Variants in GRK3 observed in about 807,000 individuals in gnomAD.
The protein encoded by GRK3 is adrenergic, beta, receptor kinase 2.
In GRK3, 54 loss-of-function variants were observed where a neutral mutation model predicts 95.7. The observed-to-expected ratio is 0.56, with a 90% CI of 0.45 to 0.71. The LOEUF (loss-of-function observed/expected upper bound fraction) is 0.71. GRK3 is among the 30% of genes least tolerant of loss of function. The probability of loss-of-function intolerance (pLI) is 0.00; values close to 1 mark genes in which losing one functional copy is unlikely to be tolerated. For missense variants in GRK3, 649 were observed against 851.2 expected, an observed-to-expected ratio of 0.76 and a Z score of 2.96; for synonymous variants, 281 against 290.8, an observed-to-expected ratio of 0.97 and a Z score of 0.34.
chr22:25,710,620 C>T (rs2085336370), intron 16 of GRK3, among the ~76,000 whole-genome samples: 2 of 152,182 alleles, frequency 1.3e-5, no homozygotes, highest in Non-Finnish European at 2.9e-5. Context: ...ATCTGTCAGT[C>T]CTACTGAATT....
At chr22:25,640,844 C>G (rs2084737840) in intron 2 of GRK3, among the ~76,000 whole-genome samples, 1 of 152,188 alleles carries the variant, frequency 6.6e-6, no homozygotes, top group Admixed American at 6.5e-5. Context: ...ACACATTTCA[C>G]AAATATCTAC....
chr22:25,597,040 C>T (rs2084377281), intron 1 of GRK3, among the ~76,000 whole-genome samples: 1 of 152,206 alleles, frequency 6.6e-6, no homozygotes, highest in African/African-American at 2.4e-5. Context: ...ATGAATTACA[C>T]ATTACACACT....
chr22:25,591,747 T>C (rs2146328246), intron 1 of GRK3, among the ~76,000 whole-genome samples: 1 of 152,278 alleles, frequency 6.6e-6, no homozygotes. Context: ...AAACGTTGTG[T>C]ACTTTTTTGG....
At chr22:25,570,733 C>T (rs1410756479) in intron 1 of GRK3, among the ~76,000 whole-genome samples, 1 of 152,204 alleles carries the variant, frequency 6.6e-6, no homozygotes, top group East Asian at 1.9e-4. Context: ...CCCTCTGCTT[C>T]TCCTGTGTCT....
At chr22:25,594,338 C>T (rs1011336135) in intron 1 of GRK3, among the ~76,000 whole-genome samples, 4 of 152,054 alleles carry the variant, frequency 2.6e-5, no homozygotes, top group African/African-American at 7.2e-5. Context: ...GGGACTCCTC[C>T]CTAACTCATT....
intron 3 of GRK3, among the ~76,000 whole-genome samples, chr22:25,657,702 T>TTA: frequency 6.6e-6 from 1 of 151,984 alleles, no homozygotes; most frequent in East Asian, 1.9e-4. Context: ...ATCTGTAAAT[T>TTA]TATATATATA....
intron 19 of GRK3, among the ~76,000 whole-genome samples, chr22:25,720,363 A>T (rs1379800429): frequency 6.6e-6 from 1 of 151,628 alleles, no homozygotes. Flanking sequence ...TCAGAGTGCC[A>T]TTTCTCATTC....
Position 25,655,159 on chromosome 22 carries a change from A to C in GRK3, c.265-6417A>C, listed in dbSNP as rs1371631622. ...GTATCTTGAAATGTACATTTTGTAC[A>C]TTGTATTTCCACTTTCCTGTGTCCC... On this transcript the variant is annotated intron_variant, in intron 3 of 20. Transcript: ENST00000324198. 2.0e-5 allele frequency among the ~76,000 whole-genome samples: 3 copies of C among 152,188 alleles called. No homozygotes were observed. The East Asian group carries it at 5.8e-4, about 29-fold the overall frequency.
At chr22:25,721,706 G>T (rs1294606497) in intron 20 of GRK3, among the ~76,000 whole-genome samples, 1 of 152,102 alleles carries the variant, frequency 6.6e-6, no homozygotes, top group Non-Finnish European at 1.5e-5. Flanking sequence ...CGATGTTAAG[G>T]TTTATATATT....
At chr22:25,705,877 C>G (rs113584737) in intron 15 of GRK3, among the ~76,000 whole-genome samples, 3,991 of 152,226 alleles carry the variant, frequency 0.026, 61 homozygotes, top group African/African-American at 0.04. Context: ...GAAACTCTTA[C>G]TTTATTGTGT....
At chr22:25,623,584 T>C (rs1161179967) in intron 2 of GRK3, among the ~76,000 whole-genome samples, 1 of 152,234 alleles carries the variant, frequency 6.6e-6, no homozygotes, top group Admixed American at 6.5e-5. Flanking sequence ...AATACCTCAC[T>C]AATTATCTCC....
At chr22:25,683,756 A>G (rs2085092543) in intron 9 of GRK3, among the ~76,000 whole-genome samples, 2 of 151,910 alleles carry the variant, frequency 1.3e-5, no homozygotes, top group African/African-American at 4.8e-5. Flanking sequence ...AGTTCTTTGT[A>G]TATTATAGAT....
At chr22:25,572,455 A>G (rs768345750) in intron 1 of GRK3, among the ~76,000 whole-genome samples, 1 of 152,194 alleles carries the variant, frequency 6.6e-6, no homozygotes, top group Non-Finnish European at 1.5e-5. Flanking sequence ...TGGTTGAACT[A>G]GTTTACAGTC....
At chr22:25,668,224 G>A (rs2084955551) in intron 6 of GRK3, among the ~76,000 whole-genome samples, 2 of 152,196 alleles carry the variant, frequency 1.3e-5, no homozygotes, top group South Asian at 4.1e-4. Context: ...GTCAATGTCT[G>A]TTTATGATCG....
intron 1 of GRK3, among the ~76,000 whole-genome samples, chr22:25,584,936 C>T (rs1190011851): frequency 2.0e-5 from 3 of 152,288 alleles, no homozygotes; most frequent in African/African-American, 7.2e-5. Context: ...GTCCAGGCCA[C>T]ACCACAGACC....
At chr22:25,628,632 A>G (rs1454067276) in intron 2 of GRK3, among the ~76,000 whole-genome samples, 1 of 152,206 alleles carries the variant, frequency 6.6e-6, no homozygotes, top group African/African-American at 2.4e-5. Context: ...TCATGTTTGC[A>G]CTTGCTTTTA....
At chr22:25,702,376 T>G (rs941540784) in intron 13 of GRK3, among the ~76,000 whole-genome samples, 1 of 152,246 alleles carries the variant, frequency 6.6e-6, no homozygotes, top group Non-Finnish European at 1.5e-5. Context: ...TTCAACATTC[T>G]AATCCATTTT....
intron 3 of GRK3, among the ~76,000 whole-genome samples, chr22:25,652,686 G>A (rs2084841460): frequency 1.3e-5 from 2 of 152,174 alleles, no homozygotes; most frequent in Non-Finnish European, 2.9e-5. Context: ...AAAGAATAGT[G>A]TATATAGTCA....
intron 1 of GRK3, among the ~76,000 whole-genome samples, chr22:25,603,930 T>A (rs1232936474): frequency 6.6e-6 from 1 of 152,242 alleles, no homozygotes; most frequent in Non-Finnish European, 1.5e-5. Context: ...AATATGATTT[T>A]AAAAATATTA....
Sources: gnomAD v4.1 joint callset for allele counts (sites outside exome capture counted in the v4.1 genomes callset) on GRCh38, gnomAD v4.1.1 for gene constraint, MANE v1.5 for transcripts, NCBI Gene and HGNC (gene_info 2026-07-23, HGNC 2026-07-21) for gene names.